Variants in SPOCK3 observed in about 807,000 individuals in gnomAD.
The protein encoded by SPOCK3 is testican-3.
A neutral mutation model predicts 56.6 loss-of-function variants in SPOCK3; 30 were observed. The observed-to-expected ratio is 0.53, with a 90% CI of 0.40 to 0.72. SPOCK3 has a LOEUF of 0.72. Ranked by LOEUF, SPOCK3 falls within the 30% of genes least tolerant of loss-of-function variation. SPOCK3 has a pLI of 0.00. For missense variants in SPOCK3, 527 were observed against 530.0 expected, an observed-to-expected ratio of 0.99 and a Z score of 0.06; for synonymous variants, 196 against 183.3, an observed-to-expected ratio of 1.07 and a Z score of -0.56.
chr4:166,828,319 A>G (rs1244415624), intron 6 of SPOCK3, among the ~76,000 whole-genome samples: 1 of 152,068 alleles, frequency 6.6e-6, no homozygotes, highest in Non-Finnish European at 1.5e-5. Context: ...ATAAATTTTT[A>G]TAACCTAAAT....
chr4:166,839,622 T>A (rs988967414), intron 6 of SPOCK3, among the ~76,000 whole-genome samples: 1 of 152,204 alleles, frequency 6.6e-6, no homozygotes, highest in East Asian at 1.9e-4. Context: ...AACGAAAAAC[T>A]AGGGAAAATC....
chr4:167,204,972 T>C (rs996520712), intron 2 of SPOCK3, among the ~76,000 whole-genome samples: 3 of 148,066 alleles, frequency 2.0e-5, no homozygotes, highest in Non-Finnish European at 4.5e-5. Flanking sequence ...TCTATGGGTG[T>C]TGGGGGTCGT....
At chr4:166,768,614 T>C (rs1032409873) in intron 7 of SPOCK3, among the ~76,000 whole-genome samples, 1 of 152,204 alleles carries the variant, frequency 6.6e-6, no homozygotes, top group African/African-American at 2.4e-5. Flanking sequence ...CTGGCTGCCC[T>C]TAACATTTTT....
chr4:167,016,019 T>C (rs1750587330), intron 3 of SPOCK3, among the ~76,000 whole-genome samples: 1 of 152,146 alleles, frequency 6.6e-6, no homozygotes, highest in Non-Finnish European at 1.5e-5. Context: ...ATATTCAAAA[T>C]GTTCAAAAAG....
intron 7 of SPOCK3, among the ~76,000 whole-genome samples, chr4:166,776,425 A>G (rs1739555828): frequency 6.8e-6 from 1 of 147,154 alleles, no homozygotes; most frequent in Non-Finnish European, 1.5e-5. Flanking sequence ...ACAAAAGAAA[A>G]CAAAAAAACA....
intron 7 of SPOCK3, among the ~76,000 whole-genome samples, chr4:166,776,156 T>C (rs1313971981): frequency 6.6e-6 from 1 of 152,120 alleles, no homozygotes; most frequent in African/African-American, 2.4e-5. Flanking sequence ...GGCTCATGAC[T>C]GTAATCCCAG....
At chr4:167,233,784 G>A (rs896737941) in intron 2 of SPOCK3, among the ~76,000 whole-genome samples, 1 of 152,072 alleles carries the variant, frequency 6.6e-6, no homozygotes, top group Admixed American at 6.5e-5. Flanking sequence ...GAACTCCTGT[G>A]CATCCAAGAA....
At chr4:166,752,538 G>A (rs938601471) in intron 8 of SPOCK3, among the ~76,000 whole-genome samples, 1 of 147,158 alleles carries the variant, frequency 6.8e-6, no homozygotes, top group African/African-American at 2.5e-5. Context: ...TATATATAGA[G>A]TAGCTATATG....
intron 4 of SPOCK3, among the ~76,000 whole-genome samples, chr4:166,970,704 GACAGAGC>G (rs1745279207): frequency 1.3e-5 from 2 of 149,330 alleles, no homozygotes; most frequent in Non-Finnish European, 3.0e-5. Flanking sequence ...CAGCCTGGGC[GACAGAGC>G]AAGACACCGT....
At chr4:166,923,854 GA>G (rs1486493999) in intron 4 of SPOCK3, among the ~76,000 whole-genome samples, 3 of 152,166 alleles carry the variant, frequency 2.0e-5, no homozygotes, top group East Asian at 1.9e-4. Flanking sequence ...GTAAAGAGTA[GA>G]AAAAAATAGA....
At position 166,948,258 on chromosome 4, in the gene SPOCK3, G is replaced by A. The variant is rs1742035383; in HGVS notation, c.351-35515C>T. On this transcript the variant is annotated intron_variant, in intron 4 of 10. Transcript: ENST00000357545. Reference sequence around the variant, plus strand: ...CCACATTTTCTTTACCCATTTATCTGTTGATGAACACCTAGATTGATTCCA... The same window carrying A: ...CCACATTTTCTTTACCCATTTATCTATTGATGAACACCTAGATTGATTCCA... Among the ~76,000 whole-genome samples, 5 of 152,174 alleles carry A rather than the reference G, an allele frequency of 3.3e-5. No individual in the cohort carries two copies. The South Asian group carries it at 1.0e-3, about 32-fold the overall frequency.
intron 6 of SPOCK3, among the ~76,000 whole-genome samples, chr4:166,817,236 C>T (rs1435572820): frequency 1.3e-5 from 2 of 152,048 alleles, no homozygotes; most frequent in African/African-American, 4.8e-5. Context: ...GAAACTTGAG[C>T]TTAGGAAACT....
intron 2 of SPOCK3, among the ~76,000 whole-genome samples, chr4:167,113,373 A>T (rs1344467677): frequency 6.9e-6 from 1 of 144,994 alleles, no homozygotes; most frequent in Non-Finnish European, 1.5e-5. Context: ...TCTTCTTACA[A>T]TTTTTTTTTT....
At chr4:167,167,782 G>A (rs1240830867) in intron 2 of SPOCK3, among the ~76,000 whole-genome samples, 1 of 152,010 alleles carries the variant, frequency 6.6e-6, no homozygotes, top group East Asian at 1.9e-4. Flanking sequence ...TGTTACTGCA[G>A]GCATTGAAAA....
intron 2 of SPOCK3, among the ~76,000 whole-genome samples, chr4:167,181,116 T>A (rs575754418): frequency 3.2e-4 from 49 of 152,262 alleles, no homozygotes; most frequent in African/African-American, 1.1e-3. Context: ...TTTTCCTTAA[T>A]CCTCCAGACT....
At chr4:167,112,817 T>C (rs1421057444) in intron 2 of SPOCK3, among the ~76,000 whole-genome samples, 1 of 144,098 alleles carries the variant, frequency 6.9e-6, no homozygotes, top group Non-Finnish European at 1.5e-5. Context: ...AAATATATGC[T>C]CCAAGGACTC....
chr4:167,163,647 T>G (rs899577899), intron 2 of SPOCK3, among the ~76,000 whole-genome samples: 2 of 152,068 alleles, frequency 1.3e-5, no homozygotes, highest in African/African-American at 2.4e-5. Context: ...TCAATTGTTT[T>G]AATTTTAAGC....
intron 4 of SPOCK3, among the ~76,000 whole-genome samples, chr4:166,951,768 C>T (rs902702440): frequency 6.0e-5 from 9 of 150,564 alleles, no homozygotes; most frequent in South Asian, 2.1e-4. Context: ...GGATGCAAGG[C>T]GGGTTCAATA....
chr4:167,143,695 C>A (rs1008373180), intron 2 of SPOCK3, among the ~76,000 whole-genome samples: 1 of 151,832 alleles, frequency 6.6e-6, no homozygotes, highest in African/African-American at 2.4e-5. Flanking sequence ...TTTAAAAAAT[C>A]AAAAACTAAA....
Sources: allele counts gnomAD v4.1 joint callset (sites outside exome capture counted in the v4.1 genomes callset), GRCh38; gene constraint gnomAD v4.1.1; transcripts MANE v1.5; gene names NCBI Gene and HGNC (gene_info 2026-07-23, HGNC 2026-07-21).